SMOC2: variants seen among roughly 807,000 people sequenced by gnomAD.
SMOC2 encodes the protein SPARC-related modular calcium-binding protein 2.
In SMOC2, 39 loss-of-function variants were observed where a neutral mutation model predicts 61.4. That is an observed-to-expected ratio of 0.64 (90% CI 0.49 to 0.83). SMOC2 has a LOEUF of 0.83. Among genes scored for constraint, SMOC2 ranks in the 40% least tolerant of loss-of-function variants. The probability of loss-of-function intolerance (pLI) is 0.00; values close to 1 mark genes in which losing one functional copy is unlikely to be tolerated. For missense variants in SMOC2, 556 were observed against 592.9 expected (o/e 0.94, Z 0.65); for synonymous variants, 247 against 239.9 (o/e 1.03, Z -0.27).
At chr6:168,511,347 C>G (rs1040193229) in intron 2 of SMOC2, among the ~76,000 whole-genome samples, 1 of 152,088 alleles carries the variant, frequency 6.6e-6, no homozygotes, top group South Asian at 2.1e-4. Context: ...GAAGGGGAAG[C>G]AAACGCATCC....
chr6:168,665,723 A>C (rs1007427142), intron 12 of SMOC2, among the ~76,000 whole-genome samples: 4 of 152,256 alleles, frequency 2.6e-5, no homozygotes, highest in Non-Finnish European at 4.4e-5. Context: ...TTAAACCTCA[A>C]GTTTAGTGTA....
chr6:168,455,982 C>A (rs889358173), intron 1 of SMOC2, among the ~76,000 whole-genome samples: 11 of 151,928 alleles, frequency 7.2e-5, no homozygotes, highest in Non-Finnish European at 1.5e-4. Flanking sequence ...TGAAAGGGCG[C>A]GGCACTCAGG....
intron 7 of SMOC2, among the ~76,000 whole-genome samples, chr6:168,568,655 T>C (rs1784599816): frequency 6.6e-6 from 1 of 152,132 alleles, no homozygotes; most frequent in African/African-American, 2.4e-5. Flanking sequence ...TTCACTGCCC[T>C]GAAAACCCTC....
intron 7 of SMOC2, among the ~76,000 whole-genome samples, chr6:168,588,247 C>T (rs1785091284): frequency 6.6e-6 from 1 of 151,814 alleles, no homozygotes; most frequent in Admixed American, 6.6e-5. Context: ...TCTCGGCCCC[C>T]TGAGTAGCTG....
At chr6:168,474,856 A>T (rs558861548) in intron 1 of SMOC2, among the ~76,000 whole-genome samples, 3 of 152,256 alleles carry the variant, frequency 2.0e-5, no homozygotes, top group African/African-American at 7.2e-5. Flanking sequence ...CCGTATTTGG[A>T]TACTGAAGTG....
chr6:168,547,180 G>A lies in SMOC2; in HGVS notation c.562+11G>A, dbSNP rs776215904. On this transcript the variant is annotated intron_variant, in intron 6 of 12. Coordinates refer to ENST00000356284, the MANE Select transcript of SMOC2 (RefSeq NM_001166412.2). ...AAGGAGATGAAGAAGGTGAGCCGGGGTGGGGATTGCACAGTCTGGGTTGGG... is the reference window on the plus strand; with the variant it reads ...AAGGAGATGAAGAAGGTGAGCCGGGATGGGGATTGCACAGTCTGGGTTGGG... The A allele has an allele frequency of 3.1e-6, 5 of 1,613,664 alleles. No individual in the cohort carries two copies. In the African/African-American group the frequency reaches 4.0e-5, roughly 13 times the overall value.
In SMOC2 at chr6:168,526,457, C is replaced by T. The variant is rs1388690656; in HGVS notation, c.363+5C>T. The T allele has an allele frequency of 6.2e-7, 1 of 1,613,208 alleles. No homozygotes were observed. The highest frequency in any genetic ancestry group is 8.5e-7 in the Non-Finnish European group (1 of 1,179,322). On this transcript the variant is annotated splice_donor_5th_base_variant and intron_variant, in intron 3 of 12. Coordinates refer to ENST00000356284, the MANE Select transcript of SMOC2 (RefSeq NM_001166412.2). Reference sequence around the variant, plus strand: ...GACGACGGCACCTACAGTCAGGTTACCGGCCTTGCTTGGGAGGTTCTGCAC... The same window carrying T: ...GACGACGGCACCTACAGTCAGGTTATCGGCCTTGCTTGGGAGGTTCTGCAC...
At chr6:168,625,496 T>C (rs1380174872) in intron 9 of SMOC2, among the ~76,000 whole-genome samples, 1 of 152,210 alleles carries the variant, frequency 6.6e-6, no homozygotes, top group Non-Finnish European at 1.5e-5. Flanking sequence ...GGATTCGAGT[T>C]TCTTTTTATC....
chr6:168,600,071 G>A (rs998437876), intron 8 of SMOC2, among the ~76,000 whole-genome samples: 11 of 152,078 alleles, frequency 7.2e-5, no homozygotes, highest in East Asian at 3.9e-4. Context: ...ATCACCCAAC[G>A]CTGGGTGATG....
At chr6:168,511,014 G>C (rs1050293731) in intron 2 of SMOC2, among the ~76,000 whole-genome samples, 1 of 152,198 alleles carries the variant, frequency 6.6e-6, no homozygotes, top group Non-Finnish European at 1.5e-5. Flanking sequence ...TGGAGCAGAT[G>C]TAGAAACCTG....
chr6:168,454,607 C>T (rs1037197300), intron 1 of SMOC2, among the ~76,000 whole-genome samples: 19 of 152,306 alleles, frequency 1.2e-4, no homozygotes, highest in African/African-American at 4.6e-4. Flanking sequence ...GTTTGCCCTT[C>T]AGCCGGTGCT....
chr6:168,479,934 T>G (rs1782170439), intron 1 of SMOC2, among the ~76,000 whole-genome samples: 1 of 152,074 alleles, frequency 6.6e-6, no homozygotes, highest in Admixed American at 6.5e-5. Context: ...CATTAAAGAC[T>G]AGGACACTCA....
At chr6:168,537,968 G>T (rs930126903) in intron 4 of SMOC2, among the ~76,000 whole-genome samples, 18 of 152,306 alleles carry the variant, frequency 1.2e-4, no homozygotes, top group African/African-American at 3.8e-4. Flanking sequence ...CTGGGGAGTG[G>T]GGTGAGCTCT....
chr6:168,660,620 C>T (rs928967153), intron 11 of SMOC2, among the ~76,000 whole-genome samples: 4 of 152,170 alleles, frequency 2.6e-5, no homozygotes, highest in Non-Finnish European at 5.9e-5. Flanking sequence ...CCGCCCTGGG[C>T]GGGAAGGCAG....
At chr6:168,614,116 A>G (rs867949396) in intron 9 of SMOC2, among the ~76,000 whole-genome samples, 527 of 59,256 alleles carry the variant, frequency 8.9e-3, no homozygotes, top group African/African-American at 0.036. Flanking sequence ...CAGCACATGG[A>G]GCCTCTTCAC....
Position 168,452,827 on chromosome 6 carries a change from A to G in SMOC2, c.84+11373A>G. Among the ~76,000 whole-genome samples the G allele has an allele frequency of 6.6e-6, 1 of 152,196 alleles. No individual in the cohort carries two copies. The highest frequency in any genetic ancestry group is 1.9e-4 in the East Asian group (1 of 5,192). On this transcript the variant is annotated intron_variant, in intron 1 of 12. Transcript: ENST00000356284. This position sits in a 1 kb window ranked among gnomAD's most constrained non-coding sequence, Gnocchi z 5.0. ...TTTATTCTAGAAGGCAGCAGGAAGG[A>G]GGGCAGCCCGCCAGGCCGAGGCTTT...
At chr6:168,448,789 G>A (rs1363492762) in intron 1 of SMOC2, among the ~76,000 whole-genome samples, 1 of 152,198 alleles carries the variant, frequency 6.6e-6, no homozygotes, top group Non-Finnish European at 1.5e-5. Flanking sequence ...GTAGCACTTT[G>A]AGCAAGGATG....
At chr6:168,489,166 A>G (rs1203833290) in intron 1 of SMOC2, among the ~76,000 whole-genome samples, 3 of 150,096 alleles carry the variant, frequency 2.0e-5, no homozygotes, top group Non-Finnish European at 4.4e-5. Flanking sequence ...AATATATCAA[A>G]TCGTCTGGGT....
intron 1 of SMOC2, among the ~76,000 whole-genome samples, chr6:168,454,488 C>T (rs538742766): frequency 9.7e-4 from 147 of 152,214 alleles, no homozygotes; most frequent in South Asian, 5.0e-3. Context: ...TCTCAGGACA[C>T]GTGCCCCCAA....
Sources: gnomAD v4.1 joint callset for allele counts (sites outside exome capture counted in the v4.1 genomes callset) on GRCh38, gnomAD v4.1.1 for gene constraint, Gnocchi (gnomAD v3.1) non-coding constraint, MANE v1.5 for transcripts, NCBI Gene and HGNC (gene_info 2026-07-23, HGNC 2026-07-21) for gene names.